Variants in CATSPERE observed in about 807,000 individuals in gnomAD.
CATSPERE encodes cation channel sperm-associated auxiliary subunit epsilon.
CATSPERE carries 93 observed loss-of-function variants against 114.1 expected under a neutral mutation model. That is an observed-to-expected ratio of 0.81 (90% CI 0.69 to 0.97). The LOEUF (loss-of-function observed/expected upper bound fraction) is 0.97. Among genes scored for constraint, CATSPERE ranks in the 50% least tolerant of loss-of-function variants. The pLI is 0.00. For missense variants in CATSPERE, 1,058 were observed against 1,131.6 expected (o/e 0.93, Z 0.93); for synonymous variants, 341 against 384.1 (o/e 0.89, Z 1.31).
chr1:244,457,740 T>G (rs913771501), upstream of CATSPERE, among the ~76,000 whole-genome samples: 6 of 152,314 alleles, frequency 3.9e-5, no homozygotes, highest in South Asian at 8.3e-4. Context: ...ATAAATTATG[T>G]CTCTTTCTAA....
chr1:244,571,905 C>G (rs536269429), intron 10 of CATSPERE, among the ~76,000 whole-genome samples: 10 of 152,142 alleles, frequency 6.6e-5, no homozygotes, highest in African/African-American at 2.4e-4. Context: ...GCTTCTTAGC[C>G]CATTTTACCT....
At chr1:244,478,040 A>G (rs947699471) in intron 4 of CATSPERE, 65 bp downstream of exon 4, 10 of 1,257,590 alleles carry the variant, frequency 8.0e-6, no homozygotes, top group Middle Eastern at 1.9e-4. Context: ...GTTACATTTT[A>G]TTTTGCCTTT....
Position 244,610,221 on chromosome 1 carries a change from A to G in CATSPERE, c.2404-19A>G, listed in dbSNP as rs184312744. The G allele has an allele frequency of 8.9e-4, 1,377 of 1,553,852 alleles. 9 individuals carry two copies. The African/African-American group carries it at 0.016, about 19-fold the overall frequency. Reference sequence around the variant, plus strand: ...TGAAAACTTCTACCTACCCACATACATGTGCCATCTTTTGACAGAGTGGTT... The same window carrying G: ...TGAAAACTTCTACCTACCCACATACGTGTGCCATCTTTTGACAGAGTGGTT... On this transcript the variant is annotated intron_variant, in intron 18 of 21. Transcript: ENST00000366534.
Position 244,583,945 on chromosome 1 carries a change from C to T in CATSPERE, c.2085+6C>T, listed in dbSNP as rs757996898. The T allele has an allele frequency of 7.3e-5, 117 of 1,613,352 alleles. No homozygotes were observed. Among genetic ancestry groups the T allele is most frequent in the Non-Finnish European group, 9.4e-5 (111 of 1,179,616 alleles). ...CATGTCCAATAGCCCAAAAGGTAAG[C>T]GACATGGGCTGAAGACCCAAATATT... is the stretch of plus-strand genomic sequence containing the variant. On this transcript the variant is annotated splice_donor_region_variant and intron_variant, in intron 13 of 21. Transcript: ENST00000366534.
rs376438506 is a variant in CATSPERE, at chr1:244,561,108, G to A, written c.1470G>A (p.Met490Ile). ...QTPAGHGNLS[M>I]LSNDSIIHEV... ...CTGCAGGACATGGAAATCTATCAAT[G>A]CTATCAAATGACAGCATTATTCATG... The change falls in exon 10 of 22, where the codon ATG becomes ATA. Residue 490 changes from methionine (M) to isoleucine (I), a missense_variant. By Grantham distance (10) the Met-to-Ile change is conservative. Around this residue, in one of 2 missense-constraint regions of CATSPERE, gnomAD observed 787 missense variants for 905.6 expected, o/e 0.87. Coordinates refer to ENST00000366534, the MANE Select transcript of CATSPERE (RefSeq NM_001130957.2). 2.5e-6 allele frequency: 4 copies of A among 1,607,650 alleles called. No individual in the cohort carries two copies. Among genetic ancestry groups the A allele is most frequent in the East Asian group, 4.5e-5 (2 of 44,846 alleles).
At chr1:244,473,391 G>C (rs1389865006) in intron 2 of CATSPERE, among the ~76,000 whole-genome samples, 2 of 152,028 alleles carry the variant, frequency 1.3e-5, no homozygotes, top group Admixed American at 1.3e-4. Context: ...TTTGTCACCT[G>C]TATATTATCT....
At chr1:244,513,655 C>A (rs1676122812) in intron 7 of CATSPERE, among the ~76,000 whole-genome samples, 1 of 152,060 alleles carries the variant, frequency 6.6e-6, no homozygotes, top group Non-Finnish European at 1.5e-5. Context: ...TGGATCTATC[C>A]CTAGGTCCCC....
At chr1:244,636,135 T>C (rs1200361897) in intron 21 of CATSPERE, among the ~76,000 whole-genome samples, 1 of 152,210 alleles carries the variant, frequency 6.6e-6, no homozygotes, top group Non-Finnish European at 1.5e-5. Context: ...ACCCTCATTC[T>C]GATGCATTTA....
chr1:244,531,175 G>A (rs1679532202), intron 8 of CATSPERE, among the ~76,000 whole-genome samples: 1 of 150,322 alleles, frequency 6.7e-6, no homozygotes, highest in Non-Finnish European at 1.5e-5. Context: ...GGCGGAGGTT[G>A]CAGTGAGGAG....
At chr1:244,544,118 T>C (rs1249827826) in intron 8 of CATSPERE, among the ~76,000 whole-genome samples, 1 of 152,140 alleles carries the variant, frequency 6.6e-6, no homozygotes, top group African/African-American at 2.4e-5. Flanking sequence ...AGCCTGTCTA[T>C]AGACCCAAAA....
At chr1:244,584,232 G>A (rs1158079054) in intron 13 of CATSPERE, among the ~76,000 whole-genome samples, 6 of 152,038 alleles carry the variant, frequency 3.9e-5, no homozygotes, top group South Asian at 2.1e-4. Flanking sequence ...CTGTGTGCTC[G>A]GTAATGGGAG....
In CATSPERE at chr1:244,607,127, A is replaced by G. The variant is rs1413657960; in HGVS notation, c.2403+1333A>G. 6.6e-6 allele frequency among the ~76,000 whole-genome samples: 1 copy of G among 152,066 alleles called. No homozygotes were observed. ...AAACGCTCTAGATCCTTCTTCAATA[A>G]AAGTTCCTCAGAGGACAACCCTTTC... is the stretch of plus-strand genomic sequence containing the variant. On this transcript the variant is annotated intron_variant, in intron 18 of 21. Coordinates refer to ENST00000366534, the MANE Select transcript of CATSPERE (RefSeq NM_001130957.2). This position sits in a 1 kb window ranked among gnomAD's most constrained non-coding sequence, Gnocchi z 4.4.
rs373481072 is a variant in CATSPERE at position 244,593,633 on chromosome 1, C to T, written c.2303+55C>T. 173 of 1,433,402 alleles carry T rather than the reference C, an allele frequency of 1.2e-4. 3 individuals carry two copies. The South Asian group carries it at 1.7e-3, about 14-fold the overall frequency. The allele number at this position is 1,433,402 out of a possible 1,614,324, so 88.8% of individuals were successfully genotyped here. A position where few individuals can be genotyped will look rare whatever the true frequency, so the allele number is the denominator to read the frequency against. The stretch of plus-strand genomic sequence containing the variant: ...TATATTGAAAGTTTCAAACTCAAAG[C>T]ACGAAAACAAGACTAATTGATCATG... On this transcript the variant is annotated intron_variant, in intron 17 of 21. Coordinates refer to ENST00000366534, the MANE Select transcript of CATSPERE (RefSeq NM_001130957.2).
intron 20 of CATSPERE, among the ~76,000 whole-genome samples, chr1:244,632,410 T>A (rs866236004): frequency 4.5e-3 from 460 of 101,242 alleles, no homozygotes; most frequent in East Asian, 9.5e-3. Flanking sequence ...AAAAAAAAAA[T>A]GAAAAAGAAA....
chr1:244,491,091 G>A (rs544836222), intron 6 of CATSPERE, among the ~76,000 whole-genome samples: 47 of 151,878 alleles, frequency 3.1e-4, no homozygotes, highest in South Asian at 1.5e-3. Flanking sequence ...TGCACCAAGC[G>A]GACCTAATAG....
At chr1:244,486,804 T>C (rs1345085841) in intron 5 of CATSPERE, among the ~76,000 whole-genome samples, 15 of 69,358 alleles carry the variant, frequency 2.2e-4, no homozygotes, top group South Asian at 7.1e-4. Flanking sequence ...GGGCCAGGTG[T>C]AGACCCTCGT....
Position 244,640,327 on chromosome 1 carries a change from G to T in CATSPERE, c.*246G>T. 1 of 257,516 alleles carries T rather than the reference G, an allele frequency of 3.9e-6. No homozygotes were observed. The highest frequency in any genetic ancestry group is 7.3e-6 in the Non-Finnish European group (1 of 136,684). The allele number at this position is 257,516 out of a possible 1,614,324, so 16.0% of individuals were successfully genotyped here. On this transcript the variant is annotated 3_prime_UTR_variant, in exon 22 of 22. Coordinates refer to ENST00000366534, the MANE Select transcript of CATSPERE (RefSeq NM_001130957.2). ...AAGATACTCTATGTACTCTCACATGGCATGAAAAAATAAACTAAATTTGAC... is the reference window on the plus strand; with the variant it reads ...AAGATACTCTATGTACTCTCACATGTCATGAAAAAATAAACTAAATTTGAC...
intron 10 of CATSPERE, among the ~76,000 whole-genome samples, chr1:244,566,436 C>G (rs1304289514): frequency 6.6e-6 from 1 of 151,822 alleles, no homozygotes; most frequent in Non-Finnish European, 1.5e-5. Context: ...TTTAAGTCTC[C>G]CACTATTATT....
intron 21 of CATSPERE, among the ~76,000 whole-genome samples, chr1:244,638,515 C>T (rs1674929021): frequency 6.6e-6 from 1 of 152,198 alleles, no homozygotes; most frequent in Non-Finnish European, 1.5e-5. Flanking sequence ...ACAATCATGA[C>T]TTGAGTTAGC....
Sources: allele counts gnomAD v4.1 joint callset (sites outside exome capture counted in the v4.1 genomes callset), GRCh38; gene constraint gnomAD v4.1.1; regional missense constraint gnomAD v4.1.1; non-coding constraint Gnocchi (gnomAD v3.1); transcripts MANE v1.5; gene names NCBI Gene and HGNC (gene_info 2026-07-23, HGNC 2026-07-21).